The following ADGRV1 variants were observed in gnomAD, a reference collection of about 807,000 sequenced individuals.
ADGRV1 encodes the protein adhesion G protein-coupled receptor V1.
Under a neutral mutation model 596.2 loss-of-function variants are expected in ADGRV1, and 359 were observed. The ratio of observed to expected loss-of-function variants is 0.60; its 90% CI spans 0.55 to 0.66. The LOEUF is 0.66. Ranked by LOEUF, ADGRV1 falls within the 30% of genes least tolerant of loss-of-function variation. ADGRV1 has a pLI of 0.00. For missense variants in ADGRV1, 7,274 were observed against 7,575.6 expected (o/e 0.96, Z 1.48); for synonymous variants, 2,681 against 2,679.2 (o/e 1.00, Z -0.02).
intron 59 of ADGRV1, among the ~76,000 whole-genome samples, chr5:90,771,893 T>A (rs572348527): frequency 6.6e-6 from 1 of 152,262 alleles, no homozygotes; most frequent in African/African-American, 2.4e-5. Context: ...CCATTTTGAA[T>A]CTCTAATATT....
intron 22 of ADGRV1, chr5:90,673,038 T>C (rs2149540726): frequency 3.8e-6 from 1 of 264,544 alleles, no homozygotes; most frequent in South Asian, 1.7e-4. Flanking sequence ...GCATACTGCA[T>C]ATGTCAAAAC....
chr5:91,076,411 G>A (rs1238630474), intron 86 of ADGRV1, among the ~76,000 whole-genome samples: 2 of 152,018 alleles, frequency 1.3e-5, no homozygotes, highest in Non-Finnish European at 2.9e-5. Flanking sequence ...ATTCCTTGAG[G>A]GCAGGAACCA....
intron 83 of ADGRV1, among the ~76,000 whole-genome samples, chr5:90,875,452 C>T (rs1252708606): frequency 3.3e-5 from 5 of 152,176 alleles, no homozygotes; most frequent in Admixed American, 3.3e-4. Context: ...CGTGTTAAAA[C>T]ATTCTGATTT....
intron 1 of ADGRV1, among the ~76,000 whole-genome samples, chr5:90,567,663 T>C (rs916494682): frequency 4.6e-5 from 7 of 152,158 alleles, no homozygotes; most frequent in African/African-American, 1.7e-4. Flanking sequence ...TGACCCCTTT[T>C]GAATTTCTCA....
chr5:91,098,350 G>T (rs1791060519), intron 86 of ADGRV1, among the ~76,000 whole-genome samples: 1 of 151,150 alleles, frequency 6.6e-6, no homozygotes, highest in East Asian at 2.0e-4. Flanking sequence ...GAGGGTTAAA[G>T]GTGCCTCCTC....
rs1198218816 is a variant in ADGRV1, at chr5:90,781,545, A to G, written c.13198A>G (p.Ile4400Val). 5.0e-6 allele frequency: 8 copies of G among 1,610,940 alleles called. No homozygotes were observed. The highest frequency in any genetic ancestry group is 2.2e-5 in the East Asian group (1 of 44,806). ...IMKNDNAEGI[I>V]EFDPKYTAFE... ...GAAAAATGATAACGCAGAAGGCATC[A>G]TTGAATTTGACCCAAAGTATACTGC... Residue 4400 changes from isoleucine to valine, a missense_variant, in exon 65 of 90, where the codon ATT becomes GTT. This residue lies in a region of ADGRV1 where 3,643 missense variants were observed against 3,809.2 expected (regional missense o/e 0.96). Transcript: ENST00000405460.
intron 17 of ADGRV1, among the ~76,000 whole-genome samples, chr5:90,651,203 G>T (rs72656677): frequency 0.16 from 23,974 of 152,076 alleles, 2,074 homozygotes; most frequent in East Asian, 0.37. Flanking sequence ...TTTATTATTT[G>T]TATGAAATAA....
chr5:90,786,516 A>G (rs1156470999), intron 67 of ADGRV1, among the ~76,000 whole-genome samples: 1 of 152,222 alleles, frequency 6.6e-6, no homozygotes, highest in East Asian at 1.9e-4. Context: ...AGTGCAAGGA[A>G]AATGGATTCA....
chr5:90,719,655 G>A (rs369439484), intron 43 of ADGRV1, among the ~76,000 whole-genome samples: 4 of 151,988 alleles, frequency 2.6e-5, no homozygotes, highest in East Asian at 3.9e-4. Flanking sequence ...ATGAACGTTC[G>A]GATGTTTCTA....
intron 79 of ADGRV1, among the ~76,000 whole-genome samples, chr5:90,850,413 T>C (rs1172807828): frequency 6.6e-6 from 1 of 152,204 alleles, no homozygotes; most frequent in Non-Finnish European, 1.5e-5. Context: ...CTGAGACCAA[T>C]GATTAACAGT....
intron 70 of ADGRV1, among the ~76,000 whole-genome samples, 173 bp from the exon 71 acceptor site, chr5:90,802,566 C>T (rs1437688138): frequency 3.3e-5 from 5 of 152,084 alleles, no homozygotes; most frequent in Non-Finnish European, 5.9e-5. Context: ...TCTTCCACTC[C>T]TTATCTCACA....
chr5:90,724,128 GTATT>G (rs1298921404), intron 45 of ADGRV1, among the ~76,000 whole-genome samples: 2 of 151,958 alleles, frequency 1.3e-5, no homozygotes, highest in South Asian at 2.1e-4. Context: ...TCTATAAAAA[GTATT>G]TATTATTATA....
intron 67 of ADGRV1, among the ~76,000 whole-genome samples, chr5:90,784,394 G>A (rs115287946): frequency 5.8e-4 from 89 of 152,256 alleles, no homozygotes; most frequent in African/African-American, 2.1e-3. Flanking sequence ...CCTCATCTCC[G>A]TTCTTACAGA....
chr5:90,855,961 T>G, intron 82 of ADGRV1, 60 bp downstream of exon 82: 1 of 1,374,508 alleles, frequency 7.3e-7, no homozygotes, highest in Non-Finnish European at 1.0e-6. Context: ...AAAGTCTGTT[T>G]TCCCATAATC....
intron 87 of ADGRV1, among the ~76,000 whole-genome samples, chr5:91,114,622 T>G (rs1349672573): frequency 6.6e-6 from 1 of 152,160 alleles, no homozygotes; most frequent in Non-Finnish European, 1.5e-5. Flanking sequence ...TTCTCTCTCT[T>G]GAGACAAAGT....
At chr5:91,094,763 G>A (rs12518689) in intron 86 of ADGRV1, among the ~76,000 whole-genome samples, 77,106 of 152,054 alleles carry the variant, frequency 0.51, 22,623 homozygotes, top group Non-Finnish European at 0.64. Flanking sequence ...TGAGAAGAGG[G>A]ATACTAAATT....
intron 87 of ADGRV1, among the ~76,000 whole-genome samples, chr5:91,127,743 A>G (rs1370275266): frequency 1.3e-5 from 2 of 152,186 alleles, no homozygotes; most frequent in Non-Finnish European, 2.9e-5. Flanking sequence ...AGACACCAGT[A>G]CTTGCCCTGA....
At chr5:91,018,319 A>G (rs1783344838) in intron 85 of ADGRV1, among the ~76,000 whole-genome samples, 1 of 151,960 alleles carries the variant, frequency 6.6e-6, no homozygotes. Flanking sequence ...TTTCTCAAAC[A>G]GTTCCTTCTG....
intron 48 of ADGRV1, among the ~76,000 whole-genome samples, chr5:90,726,617 T>C (rs1472225340): frequency 1.3e-5 from 2 of 151,518 alleles, no homozygotes. Context: ...TCTAACACAC[T>C]ACACAAATTT....
Sources: gnomAD v4.1 joint callset for allele counts (sites outside exome capture counted in the v4.1 genomes callset) on GRCh38, gnomAD v4.1.1 for gene constraint, gnomAD v4.1.1 regional missense constraint, MANE v1.5 for transcripts, NCBI Gene and HGNC (gene_info 2026-07-23, HGNC 2026-07-21) for gene names.